Variants in ZNF460 observed in about 807,000 individuals in gnomAD.
The protein encoded by ZNF460 is zinc finger protein 272.
ZNF460 carries 1 observed loss-of-function variant against 8.4 expected under a neutral mutation model. That is an observed-to-expected ratio of 0.12 (90% confidence interval 0.04 to 0.56). The LOEUF (loss-of-function observed/expected upper bound fraction) is 0.56. ZNF460 is among the 20% of genes least tolerant of loss of function. The probability of loss-of-function intolerance (pLI) is 0.91; values close to 1 mark genes in which losing one functional copy is unlikely to be tolerated. For missense variants in ZNF460, 477 were observed against 714.8 expected (o/e 0.67, Z 3.79); for synonymous variants, 262 against 259.9 (o/e 1.01, Z -0.08).
At chr19:57,287,571 C>G (rs752930668) in intron 2 of ZNF460, among the ~76,000 whole-genome samples, 2 of 152,156 alleles carry the variant, frequency 1.3e-5, no homozygotes, top group African/African-American at 2.4e-5. Context: ...GATCTTCCCT[C>G]CTTGGCCTCC....
chr19:57,289,163 C>T (rs957573048), intron 2 of ZNF460, among the ~76,000 whole-genome samples: 6 of 151,944 alleles, frequency 3.9e-5, no homozygotes, highest in Non-Finnish European at 8.8e-5. Flanking sequence ...TTTTCAAGAT[C>T]CAGTTGTTTG....
chr19:57,283,238 C>T (rs1249637871), intron 1 of ZNF460, among the ~76,000 whole-genome samples: 2 of 151,392 alleles, frequency 1.3e-5, no homozygotes, highest in African/African-American at 2.4e-5. Flanking sequence ...GGTGCGATCT[C>T]GGCTCACTGC....
In ZNF460 at chr19:57,291,735, G is replaced by A; in HGVS notation, c.1194G>A (p.Gly398=). The A allele has an allele frequency of 5.6e-6, 9 of 1,614,150 alleles. No homozygotes were observed. The highest frequency in any genetic ancestry group is 7.6e-6 in the Non-Finnish European group (9 of 1,180,018). Reference sequence around the variant, plus strand: ...AGCCTTTTGAGTGCAAAGAATGTGGGAAAGCCTTTAGCATTCGAAAAGACC... The same window carrying A: ...AGCCTTTTGAGTGCAAAGAATGTGGAAAAGCCTTTAGCATTCGAAAAGACC... The part of the protein sequence containing the change: ...GEKPFECKEC[G]KAFSIRKDLI... Residue 398 remains glycine (G), a synonymous_variant, in exon 3 of 3, where the codon GGG becomes GGA. Transcript: ENST00000360338. This position sits in a 1 kb window ranked among gnomAD's most constrained non-coding sequence, Gnocchi z 8.4.
At chr19:57,280,362 C>G (rs1277549803), upstream of ZNF460, 3 of 181,780 alleles carry the variant, frequency 1.7e-5, no homozygotes, top group African/African-American at 7.1e-5. Context: ...CTGCCCCTTG[C>G]GTCGGCCGCG....
chr19:57,281,358 C>T lies in ZNF460; in HGVS notation c.30+522C>T, dbSNP rs753379289. On this transcript the variant is annotated intron_variant, in intron 1 of 2. Coordinates refer to ENST00000360338, the MANE Select transcript of ZNF460 (RefSeq NM_006635.4). ...TTTGGCAATTCCGGCTAAAGTGGCA[C>T]CTTACACCCTTGCCCAGAGTCTGGT... is the stretch of plus-strand genomic sequence containing the variant. 2.8e-4 allele frequency among the ~76,000 whole-genome samples: 43 copies of T among 152,166 alleles called. No homozygotes were observed. The Middle Eastern group carries it at 0.014, about 48-fold the overall frequency.
chr19:57,290,729 C>G lies in ZNF460; in HGVS notation c.188C>G (p.Pro63Arg). ...AGCACAAAACCTGAGACCGTAGAGCCTATCCCTTCTCATCTGGCCTTGCCT... is the reference window on the plus strand; with the variant it reads ...AGCACAAAACCTGAGACCGTAGAGCGTATCCCTTCTCATCTGGCCTTGCCT... ...GDSTKPETVE[P>R]IPSHLALPEE... Residue 63 changes from proline (P) to arginine (R), a missense_variant, in exon 3 of 3, where the codon CCT becomes CGT. Physicochemically the swap from Pro to Arg is moderately radical, Grantham distance 103. Around this residue, in one of 5 missense-constraint regions of ZNF460, gnomAD observed 169 missense variants for 178.6 expected, o/e 0.95. Transcript: ENST00000360338. 1 of 1,614,154 alleles carries G rather than the reference C, an allele frequency of 6.2e-7. No homozygotes were observed. Among genetic ancestry groups the G allele is most frequent in the Non-Finnish European group, 8.5e-7 (1 of 1,180,012 alleles).
At position 57,292,350 on chromosome 19, in the gene ZNF460, C is replaced by G; in HGVS notation, c.*120C>G. 10 of 1,060,970 alleles carry G rather than the reference C, an allele frequency of 9.4e-6. No homozygotes were observed. The South Asian group carries it at 1.4e-4, about 15-fold the overall frequency. The allele number at this position is 1,060,970 out of a possible 1,614,324, so 65.7% of individuals were successfully genotyped here. ...GTGGTGAGAGGAAACATCTTACCAT[C>G]TGGTCATTCATACTGAAGAGAAACT... On this transcript the variant is annotated 3_prime_UTR_variant, in exon 3 of 3. Coordinates refer to ENST00000360338, the MANE Select transcript of ZNF460 (RefSeq NM_006635.4).
chr19:57,280,563 C>T lies in ZNF460; in HGVS notation c.-244C>T, dbSNP rs1958718850. ...GGACGGGTAGTGAAGCGGTTACGCC[C>T]CTTCTTCGCGTCTTGGCGGGAGCCT... On this transcript the variant is annotated 5_prime_UTR_variant, in exon 1 of 3. Coordinates refer to ENST00000360338, the MANE Select transcript of ZNF460 (RefSeq NM_006635.4). 1 of 585,386 alleles carries T rather than the reference C, an allele frequency of 1.7e-6. No individual in the cohort carries two copies. The highest frequency in any genetic ancestry group is 2.0e-5 in the South Asian group (1 of 49,878). 36.3% of individuals were successfully genotyped at this position (585,386 alleles called of 1,614,324 possible).
rs1451795993 is a variant in ZNF460 at position 57,280,762 on chromosome 19, A to G, written c.-45A>G. The G allele has an allele frequency of 6.2e-7, 1 of 1,612,972 alleles. No individual in the cohort carries two copies. The highest frequency in any genetic ancestry group is 2.2e-5 in the East Asian group (1 of 44,812). ...AAAGTCAGCCGAGGTCGCCCCGCCC[A>G]GGACAGAGAAGGGCTGTGGTCGGCT... On this transcript the variant is annotated 5_prime_UTR_variant, in exon 1 of 3. Coordinates refer to ENST00000360338, the MANE Select transcript of ZNF460 (RefSeq NM_006635.4).
Position 57,291,453 on chromosome 19 carries a change from G to A in ZNF460, c.912G>A (p.Glu304=). ...TCTTGCATAACAAGAGCCACAATGAGAAGAAACCCTTCGCATGCAGCGAAT... is the reference window on the plus strand; with the variant it reads ...TCTTGCATAACAAGAGCCACAATGAAAAGAAACCCTTCGCATGCAGCGAAT... ...NFVLHNKSHN[E]KKPFACSECG... is the part of the protein sequence containing the mutation. Residue 304 remains glutamate, a synonymous_variant, in exon 3 of 3, where the codon GAG becomes GAA. Transcript: ENST00000360338. The surrounding 1 kb of genome is among the most constrained non-coding windows in gnomAD (Gnocchi z 8.4). 1 of 1,613,914 alleles carries A rather than the reference G, an allele frequency of 6.2e-7. No homozygotes were observed. The highest frequency in any genetic ancestry group is 1.1e-5 in the South Asian group (1 of 91,076).
Position 57,291,800 on chromosome 19 carries a change from A to G in ZNF460, c.1259A>G (p.Tyr420Cys), listed in dbSNP as rs1376532580. The G allele has an allele frequency of 6.2e-7, 1 of 1,614,140 alleles. No homozygotes were observed. Among genetic ancestry groups the G allele is most frequent in the Non-Finnish European group, 8.5e-7 (1 of 1,180,008 alleles). ...AACATCCACACTGGAGAGAAGCCCT[A>G]TGAGTGTTTACAGTGTGGAAAGGCT... ...HFNIHTGEKP[Y>C]ECLQCGKAFT... Residue 420 changes from tyrosine (Y) to cysteine (C), a missense_variant, in exon 3 of 3, where the codon TAT (tyrosine) becomes TGT (cysteine). Tyr to Cys is a radical substitution (Grantham distance 194, BLOSUM62 -2). Around this residue, in one of 5 missense-constraint regions of ZNF460, gnomAD observed 193 missense variants for 391.7 expected, o/e 0.49. Coordinates refer to ENST00000360338, the MANE Select transcript of ZNF460 (RefSeq NM_006635.4). The surrounding 1 kb of genome is among the most constrained non-coding windows in gnomAD (Gnocchi z 8.4).
chr19:57,293,276 A>G lies in ZNF460; in HGVS notation c.*1046A>G, dbSNP rs1459795314. The G allele has an allele frequency of 6.6e-6, 1 of 152,226 alleles. No homozygotes were observed. Among genetic ancestry groups the G allele is most frequent in the African/African-American group, 2.4e-5 (1 of 41,448 alleles). 9.4% of individuals were successfully genotyped at this position (152,226 alleles called of 1,614,324 possible). ...CTAAAGTAAGTTAAAAGATTATGAT[A>G]AACTCAGAAAATAAACACAGAGAAG... On this transcript the variant is annotated 3_prime_UTR_variant, in exon 3 of 3. Transcript: ENST00000360338.
chr19:57,286,861 G>T (rs908670529), intron 2 of ZNF460, among the ~76,000 whole-genome samples: 1 of 151,878 alleles, frequency 6.6e-6, no homozygotes, highest in Non-Finnish European at 1.5e-5. Flanking sequence ...CTACTCGGGA[G>T]GCTGAGGCAG....
Position 57,291,021 on chromosome 19 carries a change from A to G in ZNF460, c.480A>G (p.Thr160=). The change falls in exon 3 of 3, where the codon ACA becomes ACG. Residue 160 remains threonine, a synonymous_variant. Transcript: ENST00000360338. The surrounding 1 kb of genome is among the most constrained non-coding windows in gnomAD (Gnocchi z 8.4). ...GATTTGACTCATATGGACCAGTTACAGATTCCTTGATTCATGAAGGGGAAA... is the reference window on the plus strand; with the variant it reads ...GATTTGACTCATATGGACCAGTTACGGATTCCTTGATTCATGAAGGGGAAA... ...LYGFDSYGPV[T]DSLIHEGENS... 1 of 1,614,224 alleles carries G rather than the reference A, an allele frequency of 6.2e-7. No individual in the cohort carries two copies. The highest frequency in any genetic ancestry group is 8.5e-7 in the Non-Finnish European group (1 of 1,180,042).
chr19:57,280,884 G>A (rs766211549), intron 1 of ZNF460, 48 bp downstream of exon 1: 1 of 1,611,780 alleles, frequency 6.2e-7, no homozygotes, highest in Non-Finnish European at 8.5e-7. Flanking sequence ...TATTTCTAGA[G>A]GCCTCGTGGG....
rs1372706547 is a variant in ZNF460 at position 57,284,445 on chromosome 19, T to C, written c.31-106T>C. 5 of 1,421,212 alleles carry C rather than the reference T, an allele frequency of 3.5e-6. No individual in the cohort carries two copies. The South Asian group carries it at 5.5e-5, about 15-fold the overall frequency. 88.0% of individuals were successfully genotyped at this position (1,421,212 alleles called of 1,614,324 possible). A position where few individuals can be genotyped will look rare whatever the true frequency, so the allele number is the denominator to read the frequency against. On this transcript the variant is annotated intron_variant, in intron 1 of 2. Transcript: ENST00000360338. Reference sequence around the variant, plus strand: ...TTGGCCCTTTGGAGGTGCTTGGTGATTTGGCCTTTGATTCTCTGTGCATCT... The same window carrying C: ...TTGGCCCTTTGGAGGTGCTTGGTGACTTGGCCTTTGATTCTCTGTGCATCT...
In ZNF460 at chr19:57,291,471, C is replaced by A; in HGVS notation, c.930C>A (p.Cys310Ter). The change falls in exon 3 of 3, where the codon TGC becomes TGA. Residue 310 changes from cysteine to a stop codon, truncating the protein, a stop_gained. Transcript: ENST00000360338. LOFTEE classifies it low-confidence loss of function (END_TRUNC). The surrounding 1 kb of genome is among the most constrained non-coding windows in gnomAD (Gnocchi z 8.4). ...ACAATGAGAAGAAACCCTTCGCATG[C>A]AGCGAATGTGGAAAAGGCTTTTATG... ...KSHNEKKPFA[C>*]SECGKGFYES... The A allele has an allele frequency of 6.2e-7, 1 of 1,613,994 alleles. No homozygotes were observed. Among genetic ancestry groups the A allele is most frequent in the Non-Finnish European group, 8.5e-7 (1 of 1,179,912 alleles).
intron 1 of ZNF460, 31 bp from the exon 2 acceptor site, chr19:57,284,520 G>A (rs746572796): frequency 3.1e-6 from 5 of 1,604,834 alleles, no homozygotes; most frequent in Non-Finnish European, 4.2e-6. Flanking sequence ...AGTTGCAAAG[G>A]AAACATTACT....
In ZNF460 at chr19:57,291,344, C is replaced by G. The variant is rs2087916520; in HGVS notation, c.803C>G (p.Thr268Arg). The change falls in exon 3 of 3, where the codon ACA becomes AGA. Residue 268 changes from threonine (T) to arginine (R), a missense_variant. By Grantham distance (71) the Thr-to-Arg change is moderately conservative (BLOSUM62 -1). This residue lies in a region of ZNF460 where 193 missense variants were observed against 391.7 expected (regional missense o/e 0.49). Transcript: ENST00000360338. This position sits in a 1 kb window ranked among gnomAD's most constrained non-coding sequence, Gnocchi z 8.4. ...GRTFNRGSHL[T>R]RHQRVHSGEK... ...ACCTTCAATCGCGGGTCGCACCTTA[C>G]ACGGCACCAGCGGGTTCACAGTGGA... 5.0e-6 allele frequency: 8 copies of G among 1,613,290 alleles called. No homozygotes were observed. The highest frequency in any genetic ancestry group is 6.8e-6 in the Non-Finnish European group (8 of 1,179,914).
Sources: allele counts gnomAD v4.1 joint callset (sites outside exome capture counted in the v4.1 genomes callset), GRCh38; gene constraint gnomAD v4.1.1; regional missense constraint gnomAD v4.1.1; non-coding constraint Gnocchi (gnomAD v3.1); transcripts MANE v1.5; gene names NCBI Gene and HGNC (gene_info 2026-07-23, HGNC 2026-07-21).